Variants in NEK11 observed in about 807,000 individuals in gnomAD.
NEK11 encodes the protein NIMA related kinase 11.
NEK11 carries 72 observed loss-of-function variants against 80.7 expected under a neutral mutation model. The observed-to-expected ratio is 0.89, with a 90% CI of 0.74 to 1.08. The LOEUF is 1.08. Ranked by LOEUF, NEK11 falls within the 50% of genes least tolerant of loss-of-function variation. NEK11 has a pLI of 0.00. For synonymous variants in NEK11, 251 were observed against 260.7 expected (o/e 0.96, Z 0.36); for missense variants, 764 against 763.6 (o/e 1.00, Z -0.01).
chr3:131,239,276 A>G (rs1254306853), intron 15 of NEK11, among the ~76,000 whole-genome samples: 1 of 152,290 alleles, frequency 6.6e-6, no homozygotes. Context: ...ATCTGTTGAC[A>G]TAAGGTTGAC....
intron 17 of NEK11, among the ~76,000 whole-genome samples, chr3:131,341,522 CTTA>C (rs2097286114): frequency 6.6e-6 from 1 of 152,122 alleles, no homozygotes; most frequent in Admixed American, 6.6e-5. Context: ...TTAAGTTCAG[CTTA>C]TTAAGTATGT....
In NEK11 at chr3:131,118,808, C is replaced by T. The variant is rs555099394; in HGVS notation, c.455+8887C>T. Among the ~76,000 whole-genome samples, 19 of 152,140 alleles carry T rather than the reference C, an allele frequency of 1.2e-4. No individual in the cohort carries two copies. The South Asian group carries it at 2.3e-3, about 18-fold the overall frequency. On this transcript the variant is annotated intron_variant, in intron 5 of 17. Coordinates refer to ENST00000383366, the MANE Select transcript of NEK11 (RefSeq NM_024800.5). ...ATGGTAGTTTGTATTTCTGTGGGATCGGTGGTGATATCCCCTTTATCATTT... is the reference window on the plus strand; with the variant it reads ...ATGGTAGTTTGTATTTCTGTGGGATTGGTGGTGATATCCCCTTTATCATTT...
chr3:131,238,005 C>T (rs192768684), intron 15 of NEK11, among the ~76,000 whole-genome samples: 11 of 152,272 alleles, frequency 7.2e-5, no homozygotes, highest in Admixed American at 3.3e-4. Flanking sequence ...CTCACTAAGC[C>T]CCTCTCTTCC....
At chr3:131,339,864 C>T (rs2097258823) in intron 17 of NEK11, among the ~76,000 whole-genome samples, 1 of 152,108 alleles carries the variant, frequency 6.6e-6, no homozygotes, top group Non-Finnish European at 1.5e-5. Flanking sequence ...AATAATACCC[C>T]AAGATAATGA....
chr3:131,159,701 G>T (rs994892845), intron 10 of NEK11, among the ~76,000 whole-genome samples: 8 of 152,048 alleles, frequency 5.3e-5, no homozygotes, highest in Admixed American at 4.6e-4. Context: ...GGAGGCGGAG[G>T]TTGCAGTGAG....
At chr3:131,242,589 T>G (rs1250582163) in intron 15 of NEK11, among the ~76,000 whole-genome samples, 4 of 152,184 alleles carry the variant, frequency 2.6e-5, no homozygotes, top group African/African-American at 9.6e-5. Context: ...GGCTGATTTT[T>G]GTATTTTTAG....
chr3:131,116,299 A>G (rs750968816), intron 5 of NEK11, among the ~76,000 whole-genome samples: 25 of 152,142 alleles, frequency 1.6e-4, no homozygotes, highest in Non-Finnish European at 3.1e-4. Context: ...TACAAAGAAC[A>G]TGAACACATC....
intron 7 of NEK11, among the ~76,000 whole-genome samples, chr3:131,151,908 A>G (rs2089714227): frequency 6.6e-6 from 1 of 152,186 alleles, no homozygotes; most frequent in African/African-American, 2.4e-5. Flanking sequence ...ATATTCAGAG[A>G]ATAATAAATA....
Position 131,170,818 on chromosome 3 carries a change from A to C in NEK11, c.1330A>C (p.Ile444Leu). Residue 444 changes from isoleucine (I) to leucine (L), a missense_variant, in exon 14 of 18, where the codon ATT becomes CTT. By Grantham distance (5) the Ile-to-Leu change is conservative. Transcript: ENST00000383366. ...AGAGAACCTGCCTGAGTCTCAGCCT[A>C]TTCCTTCCATGGACCTCCACGAACT... ...TLENLPESQP[I>L]PSMDLHELES... 2 of 1,614,144 alleles carry C rather than the reference A, an allele frequency of 1.2e-6. No individual in the cohort carries two copies. The highest frequency in any genetic ancestry group is 8.5e-7 in the Non-Finnish European group (1 of 1,180,000).
intron 7 of NEK11, among the ~76,000 whole-genome samples, chr3:131,142,398 C>A (rs2087129000): frequency 6.6e-6 from 1 of 151,556 alleles, no homozygotes. Flanking sequence ...TTCTATTAAC[C>A]TGGCACATTC....
At chr3:131,205,674 A>G (rs530386666) in intron 14 of NEK11, among the ~76,000 whole-genome samples, 1 of 152,326 alleles carries the variant, frequency 6.6e-6, no homozygotes, top group Non-Finnish European at 1.5e-5. Context: ...ATGGAAGAGC[A>G]TAAACACTCC....
At chr3:131,080,039 T>TTG (rs34144326) in intron 3 of NEK11, among the ~76,000 whole-genome samples, 62,572 of 148,792 alleles carry the variant, frequency 0.42, 14,847 homozygotes, top group Middle Eastern at 0.62. Context: ...GTGTGTGTGT[T>TTG]TGTGTGTGTG....
At chr3:131,315,897 TATGGCTGC>T in intron 17 of NEK11, among the ~76,000 whole-genome samples, 1 of 152,206 alleles carries the variant, frequency 6.6e-6, no homozygotes, top group African/African-American at 2.4e-5. Flanking sequence ...CATTCCTTCT[TATGGCTGC>T]ATAGTATTCC....
At chr3:131,139,260 T>A (rs1007230518) in intron 7 of NEK11, among the ~76,000 whole-genome samples, 5 of 151,224 alleles carry the variant, frequency 3.3e-5, no homozygotes, top group Admixed American at 1.3e-4. Context: ...TCAGAGTCTC[T>A]TAATAGCAGA....
At position 131,152,726 on chromosome 3, in the gene NEK11, G is replaced by T. The variant is rs200414683; in HGVS notation, c.876+17G>T. The T allele has an allele frequency of 6.4e-7, 1 of 1,558,952 alleles. No individual in the cohort carries two copies. Among genetic ancestry groups the T allele is most frequent in the Non-Finnish European group, 8.8e-7 (1 of 1,132,596 alleles). On this transcript the variant is annotated intron_variant, in intron 9 of 17. Coordinates refer to ENST00000383366, the MANE Select transcript of NEK11 (RefSeq NM_024800.5). The stretch of plus-strand genomic sequence containing the variant: ...CAGCTACAGGTATTTAAAATGAAAG[G>T]GATTCTGGGAAACAGGTATGAGCAT...
At chr3:131,310,027 C>G in intron 17 of NEK11, among the ~76,000 whole-genome samples, 1 of 104,926 alleles carries the variant, frequency 9.5e-6, no homozygotes, top group Admixed American at 1.0e-4. Context: ...AAAAAAACAA[C>G]CTGTAGATAT....
intron 3 of NEK11, among the ~76,000 whole-genome samples, chr3:131,034,406 T>A (rs1369478115): frequency 6.7e-6 from 1 of 148,464 alleles, no homozygotes; most frequent in East Asian, 2.0e-4. Context: ...ACAATTTAAA[T>A]TTTTTTTTTT....
chr3:131,327,883 AAAAAT>A (rs2096997722), intron 17 of NEK11, among the ~76,000 whole-genome samples: 1 of 152,142 alleles, frequency 6.6e-6, no homozygotes, highest in Middle Eastern at 3.2e-3. Flanking sequence ...TAGCACTGAA[AAAAAT>A]CTAAAATTAC....
At chr3:131,048,891 T>C (rs2067871889) in intron 3 of NEK11, among the ~76,000 whole-genome samples, 1 of 152,052 alleles carries the variant, frequency 6.6e-6, no homozygotes, top group Non-Finnish European at 1.5e-5. Flanking sequence ...GCCTAAGGAG[T>C]AGAGCCCTCC....
Sources: gnomAD v4.1 joint callset for allele counts (sites outside exome capture counted in the v4.1 genomes callset) on GRCh38, gnomAD v4.1.1 for gene constraint, MANE v1.5 for transcripts, NCBI Gene and HGNC (gene_info 2026-07-23, HGNC 2026-07-21) for gene names.